Variants in SIK2 observed in about 807,000 individuals in gnomAD.
The protein encoded by SIK2 is serine/threonine-protein kinase SIK2.
A neutral mutation model predicts 103.2 loss-of-function variants in SIK2; 29 were observed. The observed-to-expected ratio is 0.28, with a 90% CI of 0.21 to 0.38. SIK2 has a LOEUF of 0.38. Among genes scored for constraint, SIK2 ranks in the 10% least tolerant of loss-of-function variants. SIK2 has a pLI of 1.00. For synonymous variants in SIK2, 412 were observed against 446.1 expected, an observed-to-expected ratio of 0.92 and a Z score of 0.96; for missense variants, 879 against 1,171.0, an observed-to-expected ratio of 0.75 and a Z score of 3.64.
At position 111,701,600 on chromosome 11, in the gene SIK2, T is replaced by C; in HGVS notation, c.727+25T>C. ...GGTAATCAACTTTTCATCTTATTAA[T>C]GGTGTTTTACAGTGTTAGTGCTCCA... is the stretch of plus-strand genomic sequence containing the variant. On this transcript the variant is annotated intron_variant, in intron 6 of 14. Coordinates refer to ENST00000304987, the MANE Select transcript of SIK2 (RefSeq NM_015191.3). The surrounding 1 kb of genome is among the most constrained non-coding windows in gnomAD (Gnocchi z 4.2). The C allele has an allele frequency of 6.2e-7, 1 of 1,612,496 alleles. No homozygotes were observed. The highest frequency in any genetic ancestry group is 2.2e-5 in the East Asian group (1 of 44,824).
rs1266646553 is a variant in SIK2 at position 111,705,512 on chromosome 11, A to G, written c.1101+373A>G. Among the ~76,000 whole-genome samples the G allele has an allele frequency of 2.0e-5, 3 of 152,234 alleles. No individual in the cohort carries two copies. Among genetic ancestry groups the G allele is most frequent in the Admixed American group, 6.5e-5 (1 of 15,288 alleles). ...TCACTGCCCTCAGAGACATCGCGCTATAAAAATGAAATAAGACAAGATCAT... is the reference window on the plus strand; with the variant it reads ...TCACTGCCCTCAGAGACATCGCGCTGTAAAAATGAAATAAGACAAGATCAT... On this transcript the variant is annotated intron_variant, in intron 8 of 14. Transcript: ENST00000304987. This position sits in a 1 kb window ranked among gnomAD's most constrained non-coding sequence, Gnocchi z 4.3.
intron 3 of SIK2, among the ~76,000 whole-genome samples, chr11:111,679,614 T>G (rs1056872228): frequency 2.6e-5 from 4 of 152,238 alleles, no homozygotes; most frequent in Non-Finnish European, 4.4e-5. Flanking sequence ...TATTTAAAAT[T>G]AGGGTAACCC....
At chr11:111,655,659 T>G (rs1942382223) in intron 3 of SIK2, among the ~76,000 whole-genome samples, 1 of 152,154 alleles carries the variant, frequency 6.6e-6, no homozygotes, top group Non-Finnish European at 1.5e-5. Flanking sequence ...TCTCTTGGCT[T>G]TATAGCTACC....
chr11:111,706,095 G>A lies in SIK2; in HGVS notation c.1101+956G>A, dbSNP rs189900304. Among the ~76,000 whole-genome samples the A allele has an allele frequency of 2.1e-3, 321 of 152,288 alleles. 1 individual carries two copies. The highest frequency in any genetic ancestry group is 7.5e-3 in the African/African-American group (313 of 41,560). On this transcript the variant is annotated intron_variant, in intron 8 of 14. Transcript: ENST00000304987. ...TATGTGACATTTTAAGTTTCTTAAG[G>A]TCTTTTTGTGCCTTGGTTTCCCAAG...
At position 111,602,910 on chromosome 11, in the gene SIK2, C is replaced by T. The variant is rs561533368; in HGVS notation, c.135+212C>T. Among the ~76,000 whole-genome samples the T allele has an allele frequency of 1.3e-5, 2 of 152,244 alleles. No individual in the cohort carries two copies. The highest frequency in any genetic ancestry group is 3.9e-4 in the East Asian group (2 of 5,158). On this transcript the variant is annotated intron_variant, in intron 1 of 14. Transcript: ENST00000304987. This position sits in a 1 kb window ranked among gnomAD's most constrained non-coding sequence, Gnocchi z 4.5. ...GGCCCGGGCACCCGGACCCGAGTGT[C>T]GTCCGACTGGAAACGCAACCAGCCG...
chr11:111,686,565 G>A (rs1242278774), intron 3 of SIK2, among the ~76,000 whole-genome samples: 2 of 152,182 alleles, frequency 1.3e-5, no homozygotes, highest in African/African-American at 4.8e-5. Context: ...TGGGAATATT[G>A]AGTCACTCAT....
intron 13 of SIK2, 33 bp downstream of exon 13, chr11:111,721,973 C>T: frequency 6.7e-7 from 1 of 1,483,028 alleles, no homozygotes. Context: ...CCACCTCACT[C>T]TGCTCATCCA....
intron 1 of SIK2, among the ~76,000 whole-genome samples, chr11:111,608,999 A>AT (rs34298351): frequency 0.59 from 89,974 of 151,454 alleles, 29,858 homozygotes; most frequent in East Asian, 0.96. Context: ...TTACTTTTAA[A>AT]TTTTTTTCTA....
chr11:111,675,540 A>G (rs1942692597), intron 3 of SIK2, among the ~76,000 whole-genome samples: 1 of 152,184 alleles, frequency 6.6e-6, no homozygotes, highest in Admixed American at 6.5e-5. Flanking sequence ...TCACGATGTC[A>G]TTATTACTTA....
In SIK2 at chr11:111,724,305, T is replaced by C; in HGVS notation, c.*176T>C. The C allele has an allele frequency of 1.1e-6, 1 of 909,550 alleles. No individual in the cohort carries two copies. The highest frequency in any genetic ancestry group is 1.6e-6 in the Non-Finnish European group (1 of 623,012). The allele number at this position is 909,550 out of a possible 1,614,324, so 56.3% of individuals were successfully genotyped here. On this transcript the variant is annotated 3_prime_UTR_variant, in exon 15 of 15. Coordinates refer to ENST00000304987, the MANE Select transcript of SIK2 (RefSeq NM_015191.3). ...GGTGGATGTTGCTTCCTCCTGGTTC[T>C]GCCCCACCACAAAGTTTTCTGTGGC...
chr11:111,684,894 A>G (rs571603885), intron 3 of SIK2, among the ~76,000 whole-genome samples: 14 of 152,248 alleles, frequency 9.2e-5, no homozygotes, highest in South Asian at 4.1e-4. Context: ...ATGCCAACCC[A>G]TAAAAAAGAA....
chr11:111,644,219 G>A (rs1392587020), intron 3 of SIK2, among the ~76,000 whole-genome samples: 1 of 150,462 alleles, frequency 6.6e-6, no homozygotes, highest in African/African-American at 2.5e-5. Flanking sequence ...AACCCAGGAG[G>A]CGGAGGTTGT....
At chr11:111,640,151 T>A (rs1276661532) in intron 3 of SIK2, among the ~76,000 whole-genome samples, 1 of 152,244 alleles carries the variant, frequency 6.6e-6, no homozygotes, top group Non-Finnish European at 1.5e-5. Context: ...ACTCTCTTGC[T>A]GTTTTTTGTG....
At chr11:111,684,885 TGC>T (rs1360955153) in intron 3 of SIK2, among the ~76,000 whole-genome samples, 1 of 152,208 alleles carries the variant, frequency 6.6e-6, no homozygotes, top group African/African-American at 2.4e-5. Context: ...CAGTTTCTGA[TGC>T]CAACCCATAA....
chr11:111,620,297 A>G (rs375872781), intron 2 of SIK2, 42 bp from the exon 3 acceptor site: 6 of 1,236,542 alleles, frequency 4.9e-6, no homozygotes, highest in African/African-American at 1.5e-5. Flanking sequence ...GGAAAATTCC[A>G]GTACATTTCT....
chr11:111,638,245 A>G (rs562415952), intron 3 of SIK2, among the ~76,000 whole-genome samples: 8 of 152,298 alleles, frequency 5.3e-5, no homozygotes, highest in African/African-American at 1.7e-4. Context: ...TCTGTTTTCA[A>G]CTGCACCTAG....
At position 111,644,777 on chromosome 11, in the gene SIK2, A is replaced by C. The variant is rs111466983; in HGVS notation, c.316+24375A>C. On this transcript the variant is annotated intron_variant, in intron 3 of 14. Transcript: ENST00000304987. The stretch of plus-strand genomic sequence containing the variant: ...TTCACATATATATACATAGGTTTCC[A>C]TAGTTGGAATCTCATATATAAGTTA... 6.5e-3 allele frequency among the ~76,000 whole-genome samples: 992 copies of C among 152,344 alleles called. 10 individuals carry two copies. The highest frequency in any genetic ancestry group is 0.022 in the African/African-American group (926 of 41,572).
chr11:111,702,699 A>G (rs1234975970), intron 6 of SIK2, among the ~76,000 whole-genome samples: 1 of 152,202 alleles, frequency 6.6e-6, no homozygotes, highest in Non-Finnish European at 1.5e-5. Context: ...GCTAGTGCTC[A>G]AAGTTGCAGC....
At chr11:111,622,319 G>T (rs1358941119) in intron 3 of SIK2, among the ~76,000 whole-genome samples, 1 of 121,872 alleles carries the variant, frequency 8.2e-6, no homozygotes, top group East Asian at 2.6e-4. Flanking sequence ...GCAGTGGCAC[G>T]ATCTCAGCTC....
Sources: gnomAD v4.1 joint callset for allele counts (sites outside exome capture counted in the v4.1 genomes callset) on GRCh38, gnomAD v4.1.1 for gene constraint, Gnocchi (gnomAD v3.1) non-coding constraint, MANE v1.5 for transcripts, NCBI Gene and HGNC (gene_info 2026-07-23, HGNC 2026-07-21) for gene names.